DLG4: variants seen among roughly 807,000 people sequenced by gnomAD.
DLG4 encodes discs large MAGUK scaffold protein 4, also known as disks large homolog 4.
In DLG4, 7 loss-of-function variants were observed where a neutral mutation model predicts 93.8. The ratio of observed to expected loss-of-function variants is 0.07; its 90% confidence interval spans 0.04 to 0.14. The LOEUF is 0.14. Ranked by LOEUF, DLG4 falls within the 10% of genes least tolerant of loss-of-function variation. The pLI, the probability that DLG4 is intolerant of heterozygous loss-of-function variation, is 1.00. For synonymous variants in DLG4, 341 were observed against 387.6 expected (o/e 0.88, Z 1.41); for missense variants, 545 against 992.9 (o/e 0.55, Z 6.06).
Position 7,191,328 on chromosome 17 carries a change from T to C in DLG4, c.2007A>G (p.Gln669=). The change falls in exon 19 of 20, where the codon CAA becomes CAG. Residue 669 remains glutamine (Q), a synonymous_variant. Coordinates refer to ENST00000399506, the MANE Select transcript of DLG4 (RefSeq NM_001321075.3). This position sits in a 1 kb window ranked among gnomAD's most constrained non-coding sequence, Gnocchi z 6.6. ...LEINKRITEE[Q]ARKAFDRATK... ...TGGCTCTGTCGAAGGCTTTGCGGGC[T>C]TGCTCCTCTGTGATCCGCTTGTTAA... The C allele has an allele frequency of 6.2e-7, 1 of 1,613,950 alleles. No homozygotes were observed. The highest frequency in any genetic ancestry group is 2.2e-5 in the East Asian group (1 of 44,872).
Position 7,208,306 on chromosome 17 carries a change from G to A in DLG4, c.31-67C>T, listed in dbSNP as rs2070571938. On this transcript the variant is annotated intron_variant, in intron 1 of 19. Transcript: ENST00000399506. This position sits in a 1 kb window ranked among gnomAD's most constrained non-coding sequence, Gnocchi z 5.4. ...CCTCAGGCTCCAGGCTGGCCGCCCTGGCCGCCGCCTCTTCCCCCAGCCAGT... is the reference window on the plus strand; with the variant it reads ...CCTCAGGCTCCAGGCTGGCCGCCCTAGCCGCCGCCTCTTCCCCCAGCCAGT... 2.4e-6 allele frequency: 3 copies of A among 1,271,084 alleles called. No homozygotes were observed. The highest frequency in any genetic ancestry group is 2.5e-4 in the Middle Eastern group (1 of 4,078). The allele number at this position is 1,271,084 out of a possible 1,614,324, so 78.7% of individuals were successfully genotyped here. A position where few individuals can be genotyped will look rare whatever the true frequency, so the allele number is the denominator to read the frequency against.
chr17:7,217,691 G>A, upstream of DLG4: 3 of 1,528,886 alleles, frequency 2.0e-6, no homozygotes, highest in Non-Finnish European at 2.6e-6. Context: ...TGCCTTGGCA[G>A]AGTTAACTCC....
At position 7,191,659 on chromosome 17, in the gene DLG4, C is replaced by A; in HGVS notation, c.1976+234G>T. On this transcript the variant is annotated intron_variant, in intron 18 of 19. Transcript: ENST00000399506. The surrounding 1 kb of genome is among the most constrained non-coding windows in gnomAD (Gnocchi z 6.6). ...CAACAGCCCTAGAGGCCCTGACTCGCCCCAGCTGGTATGCCCCAGGGGCTG... is the reference window on the plus strand; with the variant it reads ...CAACAGCCCTAGAGGCCCTGACTCGACCCAGCTGGTATGCCCCAGGGGCTG... 1 of 587,066 alleles carries A rather than the reference C, an allele frequency of 1.7e-6. No homozygotes were observed. Among genetic ancestry groups the A allele is most frequent in the Non-Finnish European group, 3.1e-6 (1 of 325,570 alleles). The allele number at this position is 587,066 out of a possible 1,614,324, so 36.4% of individuals were successfully genotyped here. A position where few individuals can be genotyped will look rare whatever the true frequency, so the allele number is the denominator to read the frequency against.
At chr17:7,216,279 G>A (rs1273354567) in intron 1 of DLG4, among the ~76,000 whole-genome samples, 1 of 152,064 alleles carries the variant, frequency 6.6e-6, no homozygotes, top group Non-Finnish European at 1.5e-5. Flanking sequence ...TGTGGGAGGA[G>A]ATGGGGATAT....
chr17:7,194,238 C>A lies in DLG4; in HGVS notation c.1478+81G>T. The A allele has an allele frequency of 7.3e-6, 11 of 1,507,798 alleles. 1 individual carries two copies. Among genetic ancestry groups the A allele is most frequent in the Middle Eastern group, 4.2e-4 (2 of 4,754 alleles). The allele number at this position is 1,507,798 out of a possible 1,614,324, so 93.4% of individuals were successfully genotyped here. ...CTAGGAGTTCAGAGGGCAAACCCATCCCCTGTTGGCTGCCCACCCCGGGGG... is the reference window on the plus strand; with the variant it reads ...CTAGGAGTTCAGAGGGCAAACCCATACCCTGTTGGCTGCCCACCCCGGGGG... On this transcript the variant is annotated intron_variant, in intron 12 of 19. Coordinates refer to ENST00000399506, the MANE Select transcript of DLG4 (RefSeq NM_001321075.3). This position sits in a 1 kb window ranked among gnomAD's most constrained non-coding sequence, Gnocchi z 4.4.
Position 7,193,826 on chromosome 17 carries a change from C to T in DLG4, c.1543+18G>A, listed in dbSNP as rs773156096. Reference sequence around the variant, plus strand: ...AGTGCTCCTCTCACCCACATCTTCCCGAACTAACCCTACCTACCCTGCGAT... The same window carrying T: ...AGTGCTCCTCTCACCCACATCTTCCTGAACTAACCCTACCTACCCTGCGAT... On this transcript the variant is annotated intron_variant, in intron 14 of 19. Coordinates refer to ENST00000399506, the MANE Select transcript of DLG4 (RefSeq NM_001321075.3). This position sits in a 1 kb window ranked among gnomAD's most constrained non-coding sequence, Gnocchi z 6.7. 15 of 1,612,798 alleles carry T rather than the reference C, an allele frequency of 9.3e-6. No individual in the cohort carries two copies. In the African/African-American group the frequency reaches 1.3e-4, roughly 14 times the overall value.
At chr17:7,213,450 G>A (rs371009714) in intron 1 of DLG4, among the ~76,000 whole-genome samples, 3 of 151,928 alleles carry the variant, frequency 2.0e-5, no homozygotes, top group African/African-American at 7.3e-5. Context: ...ACCCTTTTCT[G>A]TCTGCCCAGA....
intron 1 of DLG4, among the ~76,000 whole-genome samples, chr17:7,214,190 G>T (rs957270460): frequency 3.3e-5 from 5 of 152,132 alleles, no homozygotes; most frequent in African/African-American, 1.2e-4. Flanking sequence ...TGAGACGTCA[G>T]ACTTCCCAAC....
chr17:7,218,785 C>T (rs186123640), upstream of DLG4: 5 of 1,612,288 alleles, frequency 3.1e-6, no homozygotes, highest in East Asian at 4.5e-5. Context: ...CCCAGCCCCC[C>T]ACTTCGCTCC....
intron 17 of DLG4, 98 bp from the exon 18 acceptor site, chr17:7,192,100 G>C (rs2069532888): frequency 1.5e-6 from 1 of 656,604 alleles, no homozygotes; most frequent in East Asian, 3.1e-5. Context: ...GTGGGGAATG[G>C]GAAGTTGGCC....
chr17:7,214,160 G>T (rs1372601041), intron 1 of DLG4, among the ~76,000 whole-genome samples: 1 of 152,144 alleles, frequency 6.6e-6, no homozygotes, highest in Non-Finnish European at 1.5e-5. Context: ...AATCTGAACA[G>T]ACCTCCATCT....
At chr17:7,190,870 C>CCCTT in intron 19 of DLG4, 56 bp from the exon 20 acceptor site, 1 of 1,473,540 alleles carries the variant, frequency 6.8e-7, no homozygotes, top group Non-Finnish European at 9.5e-7. Flanking sequence ...GGACACCTGG[C>CCCTT]CAAGGGGGTT....
At position 7,195,944 on chromosome 17, in the gene DLG4, T is replaced by C. The variant is rs528299631; in HGVS notation, c.1301+276A>G. 6.6e-6 allele frequency among the ~76,000 whole-genome samples: 1 copy of C among 152,220 alleles called. No individual in the cohort carries two copies. The highest frequency in any genetic ancestry group is 2.4e-5 in the African/African-American group (1 of 41,540). ...AAGCATTAACCTTCGAGACGCCAAA[T>C]TGTGGGGTGGCCTGGGAGTCCCGGG... On this transcript the variant is annotated intron_variant, in intron 11 of 19. Coordinates refer to ENST00000399506, the MANE Select transcript of DLG4 (RefSeq NM_001321075.3). This position sits in a 1 kb window ranked among gnomAD's most constrained non-coding sequence, Gnocchi z 4.3.
At position 7,204,189 on chromosome 17, in the gene DLG4, A is replaced by C; in HGVS notation, c.150+10T>G. The stretch of plus-strand genomic sequence containing the variant: ...GCAATGGCCCCAGCCCCAAAATCTA[A>C]ACAACTCACATATCCTGGGGCTTCT... On this transcript the variant is annotated intron_variant, in intron 3 of 19. Coordinates refer to ENST00000399506, the MANE Select transcript of DLG4 (RefSeq NM_001321075.3). 1 of 1,607,462 alleles carries C rather than the reference A, an allele frequency of 6.2e-7. No individual in the cohort carries two copies. The highest frequency in any genetic ancestry group is 8.5e-7 in the Non-Finnish European group (1 of 1,175,662).
rs1422513642 is a variant in DLG4 at position 7,196,538 on chromosome 17, T to A, written c.1121A>T (p.Gln374Leu). 6.2e-7 allele frequency: 1 copy of A among 1,613,906 alleles called. No individual in the cohort carries two copies. Among genetic ancestry groups the A allele is most frequent in the African/African-American group, 1.3e-5 (1 of 74,932 alleles). Residue 374 changes from glutamine to leucine, a missense_variant, in exon 10 of 20, where the codon CAG (glutamine) becomes CTG (leucine). Gln to Leu is a moderately radical substitution (Grantham distance 113). This residue lies in a region of DLG4 where 428 missense variants were observed against 741.4 expected (regional missense o/e 0.58). Transcript: ENST00000399506. This position sits in a 1 kb window ranked among gnomAD's most constrained non-coding sequence, Gnocchi z 8.3. Reference protein sequence around the residue: ...GVDLRNASHEQAAIALKNAGQ... With the variant: ...GVDLRNASHELAAIALKNAGQ... Reference sequence around the variant, plus strand: ...CGCATTCTTCAGGGCAATGGCAGCCTGCTCATGGCTGGCATTTCGGAGGTC... The same window carrying A: ...CGCATTCTTCAGGGCAATGGCAGCCAGCTCATGGCTGGCATTTCGGAGGTC...
chr17:7,203,123 C>A lies in DLG4; in HGVS notation c.642+70G>T. 1 of 1,570,772 alleles carries A rather than the reference C, an allele frequency of 6.4e-7. No homozygotes were observed. Among genetic ancestry groups the A allele is most frequent in the Non-Finnish European group, 8.7e-7 (1 of 1,150,650 alleles). ...AGAAGCACTGGGGTGAAGTGATGAA[C>A]TTGGGCCTGCCAGGGCTAGTAGGTG... On this transcript the variant is annotated intron_variant, in intron 7 of 19. Coordinates refer to ENST00000399506, the MANE Select transcript of DLG4 (RefSeq NM_001321075.3). The surrounding 1 kb of genome is among the most constrained non-coding windows in gnomAD (Gnocchi z 7.2).
upstream of DLG4, chr17:7,218,178 T>C: frequency 7.0e-7 from 1 of 1,430,822 alleles, no homozygotes; most frequent in Non-Finnish European, 9.6e-7. Context: ...TAGTGATATT[T>C]GGCTCACCCC....
In DLG4 at chr17:7,203,970, G is replaced by T. The variant is rs1311593445; in HGVS notation, c.210+38C>A. On this transcript the variant is annotated intron_variant, in intron 4 of 19. Coordinates refer to ENST00000399506, the MANE Select transcript of DLG4 (RefSeq NM_001321075.3). This position sits in a 1 kb window ranked among gnomAD's most constrained non-coding sequence, Gnocchi z 7.2. ...CATGGCAGAAAGAAAGGTACAGACG[G>T]GAGGCCACGGGGACTGCCGATGGAG... 1.2e-6 allele frequency: 2 copies of T among 1,605,734 alleles called. No individual in the cohort carries two copies. Among genetic ancestry groups the T allele is most frequent in the Middle Eastern group, 1.7e-4 (1 of 5,976 alleles).
In DLG4 at chr17:7,208,066, G is replaced by A. The variant is rs1399016769; in HGVS notation, c.96+108C>T. ...CCGCACTGGGGAGGGGGCCACCAGG[G>A]TCTCCTACCTTGAAGGGGGAGAGGT... On this transcript the variant is annotated intron_variant, in intron 2 of 19. Transcript: ENST00000399506. The surrounding 1 kb of genome is among the most constrained non-coding windows in gnomAD (Gnocchi z 5.4). 1 of 1,309,194 alleles carries A rather than the reference G, an allele frequency of 7.6e-7. No homozygotes were observed. Among genetic ancestry groups the A allele is most frequent in the Non-Finnish European group, 9.8e-7 (1 of 1,021,232 alleles). The allele number at this position is 1,309,194 out of a possible 1,614,324, so 81.1% of individuals were successfully genotyped here.
Sources: allele counts gnomAD v4.1 joint callset (sites outside exome capture counted in the v4.1 genomes callset), GRCh38; gene constraint gnomAD v4.1.1; regional missense constraint gnomAD v4.1.1; non-coding constraint Gnocchi (gnomAD v3.1); transcripts MANE v1.5; gene names NCBI Gene and HGNC (gene_info 2026-07-23, HGNC 2026-07-21).